PPP2R3A: variants seen among roughly 807,000 people sequenced by gnomAD.
PPP2R3A encodes the protein protein phosphatase 2 regulatory subunit B''alpha.
Under a neutral mutation model 106.9 loss-of-function variants are expected in PPP2R3A, and 80 were observed. The ratio of observed to expected loss-of-function variants is 0.75; its 90% confidence interval spans 0.62 to 0.90. The LOEUF is 0.90. PPP2R3A is among the 40% of genes least tolerant of loss of function. The pLI is 0.00. For synonymous variants in PPP2R3A, 483 were observed against 468.3 expected (o/e 1.03, Z -0.41); for missense variants, 1,386 against 1,350.4 (o/e 1.03, Z -0.41).
At chr3:136,013,186 GTATGTATGTATGTATGTA>G (rs1559868805) in intron 2 of PPP2R3A, among the ~76,000 whole-genome samples, 1 of 143,128 alleles carries the variant, frequency 7.0e-6, no homozygotes, top group African/African-American at 2.6e-5. Flanking sequence ...GTGTGTGTAT[GTATGTATGTATGTATGTA>G]TGTATGTATG....
chr3:136,090,437 A>T (rs900396198), intron 9 of PPP2R3A, 141 bp from the exon 10 acceptor site: 6 of 596,992 alleles, frequency 1.0e-5, no homozygotes, highest in Admixed American at 5.7e-5. Flanking sequence ...TAGGCTGTGG[A>T]AGGGTTGCCC....
At chr3:136,127,284 A>C (rs1337378977) in intron 13 of PPP2R3A, among the ~76,000 whole-genome samples, 2 of 152,178 alleles carry the variant, frequency 1.3e-5, no homozygotes, top group Non-Finnish European at 2.9e-5. Context: ...GATCAGACGA[A>C]TGGCTAACTA....
At chr3:136,055,149 G>T in intron 5 of PPP2R3A, 2 of 741,406 alleles carry the variant, frequency 2.7e-6, no homozygotes, top group South Asian at 2.3e-5. Context: ...TTCCTTTTAG[G>T]CTTACTTTGG....
chr3:136,095,785 G>A (rs10512990), intron 10 of PPP2R3A, among the ~76,000 whole-genome samples: 108 of 152,046 alleles, frequency 7.1e-4, no homozygotes, highest in Admixed American at 1.7e-3. Context: ...TAGGTACCCT[G>A]CATGTTATTC....
Position 136,003,024 on chromosome 3 carries a change from T to C in PPP2R3A, c.1526T>C (p.Ile509Thr), listed in dbSNP as rs771620526. ...DFTNSSSQEE[I>T]DKLLMDLESF... ...ACAAATTCCAGTAGCCAGGAAGAGA[T>C]AGATAAATTGTTAATGGATTTGGAA... The change falls in exon 2 of 14, where the codon ATA becomes ACA. Residue 509 changes from isoleucine (I) to threonine (T), a missense_variant. Physicochemically the swap from Ile to Thr is moderately conservative, Grantham distance 89 (BLOSUM62 -1). Coordinates refer to ENST00000264977, the MANE Select transcript of PPP2R3A (RefSeq NM_002718.5). 2.4e-5 allele frequency: 38 copies of C among 1,613,294 alleles called. No homozygotes were observed. Among genetic ancestry groups the C allele is most frequent in the Non-Finnish European group, 3.1e-5 (37 of 1,179,732 alleles).
chr3:135,968,339 T>C (rs906109191), intron 1 of PPP2R3A, among the ~76,000 whole-genome samples: 1 of 152,152 alleles, frequency 6.6e-6, no homozygotes, highest in Non-Finnish European at 1.5e-5. Flanking sequence ...AAAACAGATG[T>C]CCTGATGTAG....
intron 5 of PPP2R3A, among the ~76,000 whole-genome samples, chr3:136,050,597 G>A (rs910492242): frequency 4.6e-5 from 7 of 152,156 alleles, no homozygotes; most frequent in Non-Finnish European, 8.8e-5. Flanking sequence ...CCCATGGCCC[G>A]TCTGCCTAGA....
intron 13 of PPP2R3A, among the ~76,000 whole-genome samples, chr3:136,126,202 G>A (rs1218036053): frequency 6.6e-6 from 1 of 152,218 alleles, no homozygotes; most frequent in Non-Finnish European, 1.5e-5. Context: ...GGGGTTGGGG[G>A]ATTTCCCTTT....
At chr3:136,092,233 G>A (rs372265425) in intron 10 of PPP2R3A, among the ~76,000 whole-genome samples, 22 of 152,298 alleles carry the variant, frequency 1.4e-4, no homozygotes, top group Middle Eastern at 6.8e-3. Context: ...GGGAGGCTGA[G>A]GCAGGAGAAT....
chr3:136,041,358 A>G (rs1475539743), intron 4 of PPP2R3A, among the ~76,000 whole-genome samples: 1 of 149,396 alleles, frequency 6.7e-6, no homozygotes, highest in Non-Finnish European at 1.5e-5. Flanking sequence ...CTTGGGCTCA[A>G]GTGATAATCC....
In PPP2R3A at chr3:136,099,197, C is replaced by A. The variant is rs189925831; in HGVS notation, c.2928-2810C>A. On this transcript the variant is annotated intron_variant, in intron 10 of 13. Coordinates refer to ENST00000264977, the MANE Select transcript of PPP2R3A (RefSeq NM_002718.5). ...ACTGGGTCATCCCCAAGGAAAAAAA[C>A]CAGCCCATTCATTTTACAGTAAAGC... is the stretch of plus-strand genomic sequence containing the variant. Among the ~76,000 whole-genome samples, 377 of 152,210 alleles carry A rather than the reference C, an allele frequency of 2.5e-3. 2 individuals are homozygous for A. The highest frequency in any genetic ancestry group is 0.012 in the Admixed American group (180 of 15,286).
At chr3:136,053,658 G>T (rs191217030) in intron 5 of PPP2R3A, among the ~76,000 whole-genome samples, 1 of 152,246 alleles carries the variant, frequency 6.6e-6, no homozygotes, top group African/African-American at 2.4e-5. Flanking sequence ...GCATGCTAAG[G>T]CTTCTAATGT....
chr3:136,059,521 T>A (rs1282361149), intron 5 of PPP2R3A, among the ~76,000 whole-genome samples: 1 of 152,136 alleles, frequency 6.6e-6, no homozygotes, highest in East Asian at 1.9e-4. Flanking sequence ...GCTTATACAT[T>A]GTTGGTGGGA....
At chr3:135,981,555 C>T (rs1276544030) in intron 1 of PPP2R3A, among the ~76,000 whole-genome samples, 1 of 151,760 alleles carries the variant, frequency 6.6e-6, no homozygotes, top group African/African-American at 2.4e-5. Context: ...ATTTGCCTTC[C>T]TCCTTTCTTC....
At chr3:136,031,775 T>C (rs1934899373) in intron 3 of PPP2R3A, among the ~76,000 whole-genome samples, 1 of 152,150 alleles carries the variant, frequency 6.6e-6, no homozygotes, top group Non-Finnish European at 1.5e-5. Flanking sequence ...TTTCCCTGCT[T>C]TATGTTTTTG....
In PPP2R3A at chr3:136,018,086, G is replaced by A. The variant is rs376089982; in HGVS notation, c.1996-8746G>A. On this transcript the variant is annotated intron_variant, in intron 2 of 13. Coordinates refer to ENST00000264977, the MANE Select transcript of PPP2R3A (RefSeq NM_002718.5). ...GTTCAGGACCAGCCTGGGCAACATG[G>A]CGAAACCCTGTCTCTACTAAAAATA... 1.2e-3 allele frequency among the ~76,000 whole-genome samples: 184 copies of A among 152,296 alleles called. 2 individuals carry two copies. In the South Asian group the frequency reaches 0.023, roughly 19 times the overall value.
At chr3:135,989,288 G>A (rs1474386893) in intron 1 of PPP2R3A, among the ~76,000 whole-genome samples, 1 of 152,074 alleles carries the variant, frequency 6.6e-6, no homozygotes, top group African/African-American at 2.4e-5. Context: ...TCGTGAGAAA[G>A]GCTCAGTACA....
intron 12 of PPP2R3A, among the ~76,000 whole-genome samples, chr3:136,105,389 G>A (rs1429380590): frequency 6.6e-6 from 1 of 152,230 alleles, no homozygotes; most frequent in East Asian, 1.9e-4. Flanking sequence ...TACTTAGGAA[G>A]CTAAGACGGG....
In PPP2R3A at chr3:136,146,274, A is replaced by G. The variant is rs1195446493; in HGVS notation, c.*1108A>G. The G allele has an allele frequency of 3.3e-5, 5 of 152,242 alleles. No individual in the cohort carries two copies. Among genetic ancestry groups the G allele is most frequent in the African/African-American group, 4.8e-5 (2 of 41,464 alleles). 9.4% of individuals were successfully genotyped at this position (152,242 alleles called of 1,614,324 possible). Reference sequence around the variant, plus strand: ...GCAGGCCACAGTCCAGCCAAATCCTATAATATCCTTGAAAAGAAACTATTA... The same window carrying G: ...GCAGGCCACAGTCCAGCCAAATCCTGTAATATCCTTGAAAAGAAACTATTA... On this transcript the variant is annotated 3_prime_UTR_variant, in exon 14 of 14. Transcript: ENST00000264977.
Sources: allele counts gnomAD v4.1 joint callset (sites outside exome capture counted in the v4.1 genomes callset), GRCh38; gene constraint gnomAD v4.1.1; transcripts MANE v1.5; gene names NCBI Gene and HGNC (gene_info 2026-07-23, HGNC 2026-07-21).